The following CNTN5 variants were observed in gnomAD, a reference collection of about 807,000 sequenced individuals.
CNTN5 encodes contactin-5.
Under a neutral mutation model 129.1 loss-of-function variants are expected in CNTN5, and 77 were observed. The observed-to-expected ratio is 0.60, with a 90% CI of 0.50 to 0.72. The LOEUF (loss-of-function observed/expected upper bound fraction) is 0.72. Ranked by LOEUF, CNTN5 falls within the 30% of genes least tolerant of loss-of-function variation. The pLI is 0.00. For synonymous variants in CNTN5, 509 were observed against 465.6 expected (o/e 1.09, Z -1.20); for missense variants, 1,478 against 1,328.8 (o/e 1.11, Z -1.75).
chr11:100,283,936 ACT>A (rs56112936), intron 18 of CNTN5, among the ~76,000 whole-genome samples: 1 of 152,058 alleles, frequency 6.6e-6, no homozygotes, highest in Non-Finnish European at 1.5e-5. Context: ...ACATAGCGAG[ACT>A]CTGTCTCAAA....
At chr11:100,228,163 A>G (rs1949416950) in intron 16 of CNTN5, among the ~76,000 whole-genome samples, 1 of 152,170 alleles carries the variant, frequency 6.6e-6, no homozygotes, top group Non-Finnish European at 1.5e-5. Flanking sequence ...TATTTGTATT[A>G]CTCTGCTTCT....
Position 99,723,069 on chromosome 11 carries a change from T to G in CNTN5, c.56-96475T>G, listed in dbSNP as rs1943225433. 2.6e-5 allele frequency among the ~76,000 whole-genome samples: 4 copies of G among 152,226 alleles called. No homozygotes were observed. The South Asian group carries it at 8.3e-4, about 32-fold the overall frequency. On this transcript the variant is annotated intron_variant, in intron 3 of 24. Coordinates refer to ENST00000524871, the MANE Select transcript of CNTN5 (RefSeq NM_014361.4). ...ATTTAGACTCCATGGGGATCTACAA[T>G]CTACTGTTCCTAACATGTTTTCTCT...
At chr11:99,608,347 A>C (rs1011234531) in intron 3 of CNTN5, among the ~76,000 whole-genome samples, 4 of 152,126 alleles carry the variant, frequency 2.6e-5, no homozygotes, top group Non-Finnish European at 5.9e-5. Context: ...GGTCTACAAA[A>C]CAGTAAGATT....
At chr11:99,740,593 C>T (rs1447840805) in intron 3 of CNTN5, among the ~76,000 whole-genome samples, 1 of 152,120 alleles carries the variant, frequency 6.6e-6, no homozygotes, top group Non-Finnish European at 1.5e-5. Context: ...TTCCTTTCCT[C>T]TTGATGTTTG....
chr11:99,784,206 A>G (rs1402426385), intron 3 of CNTN5, among the ~76,000 whole-genome samples: 1 of 152,032 alleles, frequency 6.6e-6, no homozygotes, highest in South Asian at 2.1e-4. Context: ...CAGGTTTGTT[A>G]CTTAGGTATA....
chr11:99,727,793 C>T (rs144771103), intron 3 of CNTN5, among the ~76,000 whole-genome samples: 181 of 152,154 alleles, frequency 1.2e-3, no homozygotes, highest in African/African-American at 4.2e-3. Context: ...TTAAAACTGT[C>T]ATATTTATTG....
At chr11:99,358,255 A>ATTTTTTTTTTTTTTTTTTTTTTTT (rs1186386021) in intron 2 of CNTN5, among the ~76,000 whole-genome samples, 3 of 46,922 alleles carry the variant, frequency 6.4e-5, no homozygotes, top group African/African-American at 1.4e-4. Flanking sequence ...CGCCCTGCTG[A>ATTTTTTTTTTTTTTTTTTTTTTTT]TTTTTTTTTT....
intron 9 of CNTN5, among the ~76,000 whole-genome samples, chr11:100,027,288 T>A (rs917645873): frequency 2.0e-5 from 3 of 152,208 alleles, no homozygotes; most frequent in Non-Finnish European, 4.4e-5. Context: ...GTATTCTTGA[T>A]CTTTGTTCTG....
At chr11:99,614,926 T>A (rs1043415148) in intron 3 of CNTN5, among the ~76,000 whole-genome samples, 1 of 151,814 alleles carries the variant, frequency 6.6e-6, no homozygotes, top group East Asian at 1.9e-4. Context: ...AAGTTTTTCC[T>A]AAGAATGGCC....
At position 99,891,454 on chromosome 11, in the gene CNTN5, A is replaced by G. The variant is rs553399779; in HGVS notation, c.578-24600A>G. ...CATCAACCCATCATCTACATTAGGTATTTCTCCTAATGCTATGCCTCCCCT... is the reference window on the plus strand; with the variant it reads ...CATCAACCCATCATCTACATTAGGTGTTTCTCCTAATGCTATGCCTCCCCT... On this transcript the variant is annotated intron_variant, in intron 6 of 24. Transcript: ENST00000524871. Among the ~76,000 whole-genome samples, 753 of 151,962 alleles carry G rather than the reference A, an allele frequency of 5.0e-3. 5 individuals carry two copies. The highest frequency in any genetic ancestry group is 8.4e-3 in the Non-Finnish European group (573 of 67,968).
intron 1 of CNTN5, among the ~76,000 whole-genome samples, chr11:99,220,451 T>A (rs1860342228): frequency 6.6e-6 from 1 of 151,978 alleles, no homozygotes; most frequent in Admixed American, 6.6e-5. Context: ...AACAATTTTA[T>A]ATTTACAAAT....
chr11:100,106,061 G>A (rs1392569587), intron 13 of CNTN5, among the ~76,000 whole-genome samples: 1 of 152,178 alleles, frequency 6.6e-6, no homozygotes, highest in Non-Finnish European at 1.5e-5. Flanking sequence ...TTCAGCTCCT[G>A]TAAAGTTCAA....
intron 1 of CNTN5, among the ~76,000 whole-genome samples, chr11:99,156,444 T>A (rs2135501898): frequency 6.6e-6 from 1 of 152,192 alleles, no homozygotes; most frequent in South Asian, 2.1e-4. Context: ...GGCATTCTTA[T>A]GCTCTGCTAG....
intron 1 of CNTN5, among the ~76,000 whole-genome samples, chr11:99,060,303 G>T (rs1381985122): frequency 6.6e-6 from 1 of 151,952 alleles, no homozygotes; most frequent in South Asian, 2.1e-4. Flanking sequence ...ACAATAAAAA[G>T]AATGGAAATA....
intron 3 of CNTN5, among the ~76,000 whole-genome samples, chr11:99,784,650 C>T (rs568209632): frequency 6.6e-6 from 1 of 152,208 alleles, no homozygotes; most frequent in South Asian, 2.1e-4. Flanking sequence ...AATTGCCACA[C>T]TGTCTTCCGC....
At chr11:99,783,912 T>C (rs1278028291) in intron 3 of CNTN5, among the ~76,000 whole-genome samples, 1 of 151,756 alleles carries the variant, frequency 6.6e-6, no homozygotes, top group Non-Finnish European at 1.5e-5. Context: ...ATGGCACATG[T>C]ATACATATGT....
At position 100,125,762 on chromosome 11, in the gene CNTN5, G is replaced by C. The variant is rs560358437; in HGVS notation, c.1580+51468G>C. Among the ~76,000 whole-genome samples, 19 of 152,082 alleles carry C rather than the reference G, an allele frequency of 1.2e-4. 1 individual carries two copies. Among genetic ancestry groups the C allele is most frequent in the Admixed American group, 9.2e-4 (14 of 15,254 alleles). ...TATCCTTTCAAATAACCAACTTTTGGTTTTACTGATTATTTGGATGCATTT... is the reference window on the plus strand; with the variant it reads ...TATCCTTTCAAATAACCAACTTTTGCTTTTACTGATTATTTGGATGCATTT... On this transcript the variant is annotated intron_variant, in intron 13 of 24. Coordinates refer to ENST00000524871, the MANE Select transcript of CNTN5 (RefSeq NM_014361.4).
At chr11:99,677,744 T>A (rs1029356076) in intron 3 of CNTN5, among the ~76,000 whole-genome samples, 6 of 152,182 alleles carry the variant, frequency 3.9e-5, no homozygotes, top group Non-Finnish European at 8.8e-5. Context: ...TGGGATGGGT[T>A]GGTGATTACA....
chr11:100,248,443 G>A (rs530596708), intron 16 of CNTN5, among the ~76,000 whole-genome samples: 17 of 152,166 alleles, frequency 1.1e-4, no homozygotes, highest in African/African-American at 3.4e-4. Context: ...CTACTCAGGT[G>A]GCTGAGGCAG....
Sources: allele counts gnomAD v4.1 joint callset (sites outside exome capture counted in the v4.1 genomes callset), GRCh38; gene constraint gnomAD v4.1.1; transcripts MANE v1.5; gene names NCBI Gene and HGNC (gene_info 2026-07-23, HGNC 2026-07-21).